NPC1: variants seen among roughly 807,000 people sequenced by gnomAD.
NPC1 encodes the protein Niemann-Pick C1 protein.
In NPC1, 85 loss-of-function variants were observed where a neutral mutation model predicts 140.4. That is an observed-to-expected ratio of 0.61 (90% CI 0.51 to 0.72). NPC1 has a LOEUF of 0.72. NPC1 is among the 30% of genes least tolerant of loss of function. The pLI, the probability that NPC1 is intolerant of heterozygous loss-of-function variation, is 0.00. For synonymous variants in NPC1, 656 were observed against 624.8 expected, an observed-to-expected ratio of 1.05 and a Z score of -0.74; for missense variants, 1,504 against 1,623.8, an observed-to-expected ratio of 0.93 and a Z score of 1.27.
Position 23,534,833 on chromosome 18 carries a change from C to T in NPC1, c.3478-274G>A, listed in dbSNP as rs139486349. The stretch of plus-strand genomic sequence containing the variant: ...TGGAACCCGTTAAGGTCACCCCACC[C>T]GCACCGAGCTGGCGCATTGTCACAA... On this transcript the variant is annotated intron_variant, in intron 22 of 24. Coordinates refer to ENST00000269228, the MANE Select transcript of NPC1 (RefSeq NM_000271.5). Among the ~76,000 whole-genome samples the T allele has an allele frequency of 3.3e-4, 50 of 152,318 alleles. No individual in the cohort carries two copies. The East Asian group carries it at 3.7e-3, about 11-fold the overall frequency.
At chr18:23,560,129 T>G in intron 6 of NPC1, 102 bp downstream of exon 6, 1 of 1,397,672 alleles carries the variant, frequency 7.2e-7, no homozygotes, top group South Asian at 1.2e-5. Flanking sequence ...ATGGAGGTAT[T>G]TGTTTCTTGT....
chr18:23,572,620 G>A (rs1465818471), intron 2 of NPC1, among the ~76,000 whole-genome samples: 1 of 152,100 alleles, frequency 6.6e-6, no homozygotes, highest in Non-Finnish European at 1.5e-5. Flanking sequence ...GATTGCTTGA[G>A]CCTAGGAGTT....
intron 4 of NPC1, among the ~76,000 whole-genome samples, chr18:23,567,372 A>G (rs2059140585): frequency 6.6e-6 from 1 of 152,082 alleles, no homozygotes; most frequent in Non-Finnish European, 1.5e-5. Context: ...TTAATTTGTA[A>G]TTCTCTAATG....
downstream of NPC1, among the ~76,000 whole-genome samples, chr18:23,520,031 A>G (rs2058101850): frequency 6.6e-6 from 1 of 152,226 alleles, no homozygotes; most frequent in Admixed American, 6.5e-5. Flanking sequence ...AAATATTAAA[A>G]GAGAGTTGTG....
chr18:23,527,887 CAG>C, downstream of NPC1: 3 of 1,613,642 alleles, frequency 1.9e-6, no homozygotes, highest in Non-Finnish European at 1.7e-6. Context: ...GGATGCCGAG[CAG>C]AGTTATGCGA....
intron 19 of NPC1, 114 bp from the exon 20 acceptor site, chr18:23,538,785 C>G: frequency 8.9e-7 from 1 of 1,118,738 alleles, no homozygotes; most frequent in Non-Finnish European, 1.3e-6. Flanking sequence ...CGATTACTTT[C>G]CTTACTAGTG....
chr18:23,524,275 C>T (rs576588447), intron 1 of NPC1: 71 of 1,509,998 alleles, frequency 4.7e-5, no homozygotes, highest in African/African-American at 3.3e-4. Context: ...AATAACACTC[C>T]GAGAGCCACC....
intron 3 of NPC1, among the ~76,000 whole-genome samples, chr18:23,511,816 C>T (rs2057866327): frequency 6.6e-6 from 1 of 152,114 alleles, no homozygotes; most frequent in Non-Finnish European, 1.5e-5. Flanking sequence ...CCTTCAGTAA[C>T]ATGCTTGTAC....
intron 17 of NPC1, 97 bp downstream of exon 17, chr18:23,540,351 C>A: frequency 1.2e-6 from 1 of 805,432 alleles, no homozygotes; most frequent in Admixed American, 2.1e-5. Flanking sequence ...CAGTTAGAAG[C>A]AGGCACTTGC....
chr18:23,544,840 C>T, intron 12 of NPC1, 120 bp downstream of exon 12: 2 of 789,700 alleles, frequency 2.5e-6, no homozygotes, highest in Non-Finnish European at 4.3e-6. Context: ...ACAATTAAAA[C>T]ATGGGGGAAT....
chr18:23,554,145 T>A (rs2058914786), intron 9 of NPC1, among the ~76,000 whole-genome samples: 1 of 152,200 alleles, frequency 6.6e-6, no homozygotes, highest in Non-Finnish European at 1.5e-5. Context: ...GGAACTCTCA[T>A]CCCTGTGATG....
Position 23,532,267 on chromosome 18 carries a change from C to A in NPC1, c.3772G>T (p.Ala1258Ser), listed in dbSNP as rs1473631157. 1 of 1,614,128 alleles carries A rather than the reference C, an allele frequency of 6.2e-7. No individual in the cohort carries two copies. Among genetic ancestry groups the A allele is most frequent in the Non-Finnish European group, 8.5e-7 (1 of 1,180,024 alleles). The change falls in exon 25 of 25, where the codon GCC becomes TCC. Residue 1258 changes from alanine to serine, a missense_variant. Physicochemically the swap from Ala to Ser is moderately conservative, Grantham distance 99 (BLOSUM62 1). Transcript: ENST00000269228. ...LSYIGPSVNK[A>S]KSCATEERYK... is the part of the protein sequence containing the mutation. ...CGCTCTTCAGTGGCACAACTTTTGG[C>A]TTTATTTACTGATGGCCCTATGAGA...
At chr18:23,547,663 G>A (rs1021919578) in intron 11 of NPC1, among the ~76,000 whole-genome samples, 7 of 152,174 alleles carry the variant, frequency 4.6e-5, no homozygotes, top group African/African-American at 1.7e-4. Context: ...GATCACTTGA[G>A]CCTAGGAGGT....
intron 3 of NPC1, among the ~76,000 whole-genome samples, chr18:23,513,034 A>G (rs2057904834): frequency 6.6e-6 from 1 of 151,846 alleles, no homozygotes; most frequent in Admixed American, 6.6e-5. Context: ...GCTCACTGCA[A>G]CCTCTGTCTC....
At chr18:23,563,353 T>G (rs1175049112) in intron 4 of NPC1, among the ~76,000 whole-genome samples, 3 of 152,262 alleles carry the variant, frequency 2.0e-5, no homozygotes, top group African/African-American at 7.2e-5. Flanking sequence ...AGTTTTTGTG[T>G]TGACCTATAC....
chr18:23,567,686 A>G (rs2059145655), intron 4 of NPC1, among the ~76,000 whole-genome samples: 1 of 152,184 alleles, frequency 6.6e-6, no homozygotes, highest in African/African-American at 2.4e-5. Context: ...AGTTTCTCTA[A>G]GGCAGGCATC....
At chr18:23,506,996 G>A in intron 3 of NPC1, 2 of 1,608,912 alleles carry the variant, frequency 1.2e-6, no homozygotes, top group Non-Finnish European at 1.7e-6. Context: ...GAAGTGAAGT[G>A]CATTAAGTTT....
At chr18:23,519,667 A>G (rs949847376), downstream of NPC1, among the ~76,000 whole-genome samples, 5 of 152,254 alleles carry the variant, frequency 3.3e-5, no homozygotes, top group Non-Finnish European at 5.9e-5. Flanking sequence ...AAGATAATTC[A>G]AAACTATTTC....
At chr18:23,528,424 A>G (rs1288059978), downstream of NPC1, 2 of 153,960 alleles carry the variant, frequency 1.3e-5, no homozygotes, top group African/African-American at 4.8e-5. Context: ...CTTGTACATC[A>G]TATCTTCTGA....
Sources: allele counts gnomAD v4.1 joint callset (sites outside exome capture counted in the v4.1 genomes callset), GRCh38; gene constraint gnomAD v4.1.1; transcripts MANE v1.5; gene names NCBI Gene and HGNC (gene_info 2026-07-23, HGNC 2026-07-21).